HACD3: variants seen among roughly 807,000 people sequenced by gnomAD.
HACD3 encodes very-long-chain (3R)-3-hydroxyacyl-CoA dehydratase 3.
A neutral mutation model predicts 55.2 loss-of-function variants in HACD3; 30 were observed. The ratio of observed to expected loss-of-function variants is 0.54; its 90% confidence interval spans 0.41 to 0.74. HACD3 has a LOEUF of 0.74. Among genes scored for constraint, HACD3 ranks in the 30% least tolerant of loss-of-function variants. The pLI is 0.00. For missense variants in HACD3, 363 were observed against 440.1 expected, an observed-to-expected ratio of 0.82 and a Z score of 1.57; for synonymous variants, 141 against 151.7, an observed-to-expected ratio of 0.93 and a Z score of 0.52.
At chr15:65,539,665 G>A (rs1429129155) in intron 1 of HACD3, among the ~76,000 whole-genome samples, 1 of 152,158 alleles carries the variant, frequency 6.6e-6, no homozygotes. Flanking sequence ...CATGCAGGTG[G>A]AGGTAGAATG....
intron 1 of HACD3, among the ~76,000 whole-genome samples, chr15:65,545,246 C>G (rs185672649): frequency 1.9e-3 from 287 of 152,204 alleles, no homozygotes; most frequent in African/African-American, 6.5e-3. Context: ...TTGTCACCCT[C>G]TTAACATAAG....
intron 2 of HACD3, 84 bp from the exon 3 acceptor site, chr15:65,554,803 C>T: frequency 9.6e-6 from 9 of 938,262 alleles, no homozygotes; most frequent in South Asian, 1.4e-5. Flanking sequence ...TATTCGCATA[C>T]TTGGGAAAGA....
At chr15:65,545,197 G>C (rs2072063097) in intron 1 of HACD3, among the ~76,000 whole-genome samples, 1 of 152,136 alleles carries the variant, frequency 6.6e-6, no homozygotes, top group African/African-American at 2.4e-5. Context: ...ACAGTGGAAA[G>C]TTCTGGCAGT....
intron 1 of HACD3, among the ~76,000 whole-genome samples, chr15:65,549,963 C>A (rs570731225): frequency 6.6e-6 from 1 of 152,302 alleles, no homozygotes; most frequent in African/African-American, 2.4e-5. Flanking sequence ...AAATGCAGAT[C>A]GATCCTCTGT....
At chr15:65,542,253 AAAAG>A (rs2072028502) in intron 1 of HACD3, among the ~76,000 whole-genome samples, 1 of 147,480 alleles carries the variant, frequency 6.8e-6, no homozygotes, top group Admixed American at 6.8e-5. Flanking sequence ...AAAAGAAAAG[AAAAG>A]AATATCTGTT....
chr15:65,567,008 T>C (rs1049310798), intron 7 of HACD3: 1 of 152,140 alleles, frequency 6.6e-6, no homozygotes, highest in Non-Finnish European at 1.5e-5. Flanking sequence ...CTTGTATTAA[T>C]GAAAAGTACA....
chr15:65,554,699 C>T (rs1298095888), intron 2 of HACD3, among the ~76,000 whole-genome samples, 188 bp from the exon 3 acceptor site: 1 of 151,944 alleles, frequency 6.6e-6, no homozygotes, highest in Admixed American at 6.6e-5. Context: ...GGCATGAACC[C>T]GGGAGGCGGA....
At chr15:65,573,607 C>CA (rs11375279) in intron 10 of HACD3, among the ~76,000 whole-genome samples, 140,797 of 144,498 alleles carry the variant, frequency 0.97, 68,587 homozygotes, top group East Asian at 0.99. Flanking sequence ...GACTCTGTCT[C>CA]AAAAAAAAAA....
At chr15:65,534,285 C>G (rs2071932957) in intron 1 of HACD3, 1 of 152,200 alleles carries the variant, frequency 6.6e-6, no homozygotes, top group African/African-American at 2.4e-5. Context: ...GGCTCTGTCT[C>G]CCTCCATCCT....
At chr15:65,569,570 GT>G in intron 7 of HACD3, among the ~76,000 whole-genome samples, 1 of 152,002 alleles carries the variant, frequency 6.6e-6, no homozygotes, top group East Asian at 1.9e-4. Context: ...AGCCAGTGTG[GT>G]AGTACACACA....
At chr15:65,551,896 G>A in intron 2 of HACD3, 178 bp downstream of exon 2, 1 of 608,368 alleles carries the variant, frequency 1.6e-6, no homozygotes. Context: ...TCAAAGAATT[G>A]GTTTAAAATC....
At chr15:65,548,712 G>A (rs2072100950) in intron 1 of HACD3, among the ~76,000 whole-genome samples, 2 of 151,560 alleles carry the variant, frequency 1.3e-5, no homozygotes, top group East Asian at 2.0e-4. Flanking sequence ...AGCTGGGACC[G>A]CAGGCATGTG....
At chr15:65,549,599 CAAAAAAAAA>C (rs5813363) in intron 1 of HACD3, among the ~76,000 whole-genome samples, 1,025 of 42,506 alleles carry the variant, frequency 0.024, 17 homozygotes, top group African/African-American at 0.068. Flanking sequence ...GATTCCATCT[CAAAAAAAAA>C]AAAAAAAAAA....
intron 10 of HACD3, 71 bp downstream of exon 10, chr15:65,572,437 A>C (rs1333242595): frequency 7.0e-7 from 1 of 1,418,594 alleles, no homozygotes; most frequent in Non-Finnish European, 9.4e-7. Flanking sequence ...TCATTCAGAA[A>C]TGTAAAAGTC....
At chr15:65,568,630 A>T (rs1488199972) in intron 7 of HACD3, among the ~76,000 whole-genome samples, 2 of 152,066 alleles carry the variant, frequency 1.3e-5, no homozygotes, top group Admixed American at 6.5e-5. Flanking sequence ...AAGTGCTGGG[A>T]TTACAGGCAT....
intron 1 of HACD3, among the ~76,000 whole-genome samples, chr15:65,546,226 TTTAAG>T (rs5813361): frequency 0.94 from 142,776 of 151,978 alleles, 67,074 homozygotes; most frequent in Admixed American, 0.96. Flanking sequence ...AAATAGTTGT[TTTAAG>T]TTAAGTTTTA....
At chr15:65,567,054 G>A (rs2072299353) in intron 7 of HACD3, 1 of 152,124 alleles carries the variant, frequency 6.6e-6, no homozygotes, top group African/African-American at 2.4e-5. Context: ...CAGGCATGGT[G>A]GCTCATTCCT....
At chr15:65,551,913 C>T in intron 2 of HACD3, 195 bp downstream of exon 2, 3 of 558,180 alleles carry the variant, frequency 5.4e-6, no homozygotes, top group Non-Finnish European at 6.1e-6. Context: ...AATCCTGTTT[C>T]CCCCATGGAG....
chr15:65,544,906 A>G (rs2072058954), intron 1 of HACD3, among the ~76,000 whole-genome samples: 1 of 151,902 alleles, frequency 6.6e-6, no homozygotes, highest in South Asian at 2.1e-4. Flanking sequence ...CTGTAATCCC[A>G]GCTGCTCGGG....
Sources: allele counts gnomAD v4.1 joint callset (sites outside exome capture counted in the v4.1 genomes callset), GRCh38; gene constraint gnomAD v4.1.1; transcripts MANE v1.5; gene names NCBI Gene and HGNC (gene_info 2026-07-23, HGNC 2026-07-21).